The following NEGR1 variants were observed in gnomAD, a reference collection of about 807,000 sequenced individuals.
NEGR1 encodes neuronal growth regulator 1, also known as IgLON family member 4.
In NEGR1, 10 loss-of-function variants were observed where a neutral mutation model predicts 40.9. The ratio of observed to expected loss-of-function variants is 0.24; its 90% CI spans 0.15 to 0.42. NEGR1 has a LOEUF of 0.42. Ranked by LOEUF, NEGR1 falls within the 10% of genes least tolerant of loss-of-function variation. The pLI, the probability that NEGR1 is intolerant of heterozygous loss-of-function variation, is 1.00. For synonymous variants in NEGR1, 185 were observed against 166.8 expected, an observed-to-expected ratio of 1.11 and a Z score of -0.84; for missense variants, 352 against 438.9, an observed-to-expected ratio of 0.80 and a Z score of 1.77.
intron 2 of NEGR1, among the ~76,000 whole-genome samples, chr1:71,776,613 A>G (rs1656520275): frequency 6.6e-6 from 1 of 152,202 alleles, no homozygotes; most frequent in African/African-American, 2.4e-5. Flanking sequence ...TAATCAATCT[A>G]TTTTATCCAT....
At chr1:71,868,468 CAGA>C (rs1557682651) in intron 2 of NEGR1, among the ~76,000 whole-genome samples, 12 of 76,756 alleles carry the variant, frequency 1.6e-4, no homozygotes, top group African/African-American at 5.1e-4. Flanking sequence ...GATAGATAGA[CAGA>C]ATACATACAT....
chr1:71,453,322 T>C (rs933685438), intron 6 of NEGR1, among the ~76,000 whole-genome samples: 2 of 152,142 alleles, frequency 1.3e-5, no homozygotes, highest in African/African-American at 2.4e-5. Flanking sequence ...GAAATAGCTC[T>C]TTTAATTATA....
chr1:72,010,369 G>A (rs1198722858), intron 1 of NEGR1, among the ~76,000 whole-genome samples: 1 of 152,074 alleles, frequency 6.6e-6, no homozygotes, highest in East Asian at 1.9e-4. Flanking sequence ...AAAGGAAAGA[G>A]AGAACAAATG....
In NEGR1 at chr1:71,817,302, C is replaced by T. The variant is rs554796842; in HGVS notation, c.410-41005G>A. 6.6e-4 allele frequency among the ~76,000 whole-genome samples: 100 copies of T among 152,188 alleles called. 1 individual carries two copies. In the South Asian group the frequency reaches 8.9e-3, roughly 14 times the overall value. On this transcript the variant is annotated intron_variant, in intron 2 of 6. Transcript: ENST00000357731. Reference sequence around the variant, plus strand: ...AAACAGCCCACATTCAATGGTTAAGCAAGATGGTAGTACAAAGTGCCTGCC... The same window carrying T: ...AAACAGCCCACATTCAATGGTTAAGTAAGATGGTAGTACAAAGTGCCTGCC...
chr1:72,011,104 A>G (rs974371173), intron 1 of NEGR1, among the ~76,000 whole-genome samples: 2 of 152,142 alleles, frequency 1.3e-5, no homozygotes, highest in African/African-American at 4.8e-5. Flanking sequence ...TTTCTCAATT[A>G]TCTAATATAG....
intron 2 of NEGR1, among the ~76,000 whole-genome samples, chr1:71,926,571 T>A (rs2101887910): frequency 6.6e-6 from 1 of 151,120 alleles, no homozygotes. Flanking sequence ...TGCTATGAAC[T>A]CACAAAGTTC....
chr1:72,088,474 C>A (rs1648311603), intron 1 of NEGR1, among the ~76,000 whole-genome samples: 4 of 152,100 alleles, frequency 2.6e-5, no homozygotes, highest in African/African-American at 9.7e-5. Context: ...GAGCCTTATT[C>A]ACCTCAGATT....
intron 4 of NEGR1, among the ~76,000 whole-genome samples, chr1:71,692,259 CCT>C (rs772679003): frequency 2.7e-5 from 4 of 150,876 alleles, no homozygotes; most frequent in South Asian, 2.1e-4. Context: ...CTTTTTCTCC[CCT>C]GAGTTGTTCC....
chr1:71,534,762 G>A (rs372284710), intron 6 of NEGR1, among the ~76,000 whole-genome samples: 16 of 151,612 alleles, frequency 1.1e-4, no homozygotes, highest in Admixed American at 8.6e-4. Flanking sequence ...AATATTCTAG[G>A]AGCTGAAATC....
chr1:71,830,215 C>T (rs185534687), intron 2 of NEGR1, among the ~76,000 whole-genome samples: 110 of 152,006 alleles, frequency 7.2e-4, no homozygotes, highest in Middle Eastern at 3.4e-3. Flanking sequence ...TTATATCTGA[C>T]TCATTTATTT....
rs535553420 is a variant in NEGR1, at chr1:71,519,842, C to G, written c.940+72975G>C. ...CCCATTTTGATATGGTACTTCCAAA[C>G]TGAGATGTGTAGGAATACATTTTAA... On this transcript the variant is annotated intron_variant, in intron 6 of 6. Transcript: ENST00000357731. Among the ~76,000 whole-genome samples the G allele has an allele frequency of 2.6e-5, 4 of 151,410 alleles. No homozygotes were observed. In the East Asian group the frequency reaches 5.8e-4, roughly 22 times the overall value.
chr1:71,690,412 C>G (rs1653215989), intron 4 of NEGR1, among the ~76,000 whole-genome samples: 1 of 151,634 alleles, frequency 6.6e-6, no homozygotes. Context: ...TTTGTACTGA[C>G]TAAAGTAATG....
intron 1 of NEGR1, among the ~76,000 whole-genome samples, chr1:71,986,776 G>A (rs1646398594): frequency 6.6e-6 from 1 of 152,206 alleles, no homozygotes; most frequent in Non-Finnish European, 1.5e-5. Context: ...CAGATTCTCA[G>A]AGTCCATTCT....
At chr1:71,784,178 G>C (rs1459798) in intron 2 of NEGR1, among the ~76,000 whole-genome samples, 1 of 152,060 alleles carries the variant, frequency 6.6e-6, no homozygotes, top group Non-Finnish European at 1.5e-5. Context: ...TGAGTTTTTC[G>C]TGATTCTGGG....
At chr1:72,004,536 G>T (rs1164473160) in intron 1 of NEGR1, among the ~76,000 whole-genome samples, 1 of 151,936 alleles carries the variant, frequency 6.6e-6, no homozygotes, top group African/African-American at 2.4e-5. Context: ...TGCCCACCTC[G>T]GCCTCCCAAA....
intron 1 of NEGR1, among the ~76,000 whole-genome samples, chr1:72,094,178 A>C (rs114581637): frequency 0.013 from 2,046 of 152,264 alleles, 45 homozygotes; most frequent in African/African-American, 0.047. Flanking sequence ...CAACTTAAAA[A>C]ATAAGCTCAC....
chr1:71,735,902 G>A lies in NEGR1; in HGVS notation c.536-37763C>T, dbSNP rs1655027425. Among the ~76,000 whole-genome samples the A allele has an allele frequency of 3.9e-5, 6 of 152,130 alleles. No individual in the cohort carries two copies. The South Asian group carries it at 1.0e-3, about 26-fold the overall frequency. Reference sequence around the variant, plus strand: ...TACATATGAATTAAAGGGTTAGGAAGTACTGAGAAAGTCATCTACTTTGTA... The same window carrying A: ...TACATATGAATTAAAGGGTTAGGAAATACTGAGAAAGTCATCTACTTTGTA... On this transcript the variant is annotated intron_variant, in intron 3 of 6. Coordinates refer to ENST00000357731, the MANE Select transcript of NEGR1 (RefSeq NM_173808.3).
intron 6 of NEGR1, among the ~76,000 whole-genome samples, chr1:71,447,684 C>G (rs1056755111): frequency 3.3e-5 from 5 of 152,134 alleles, no homozygotes; most frequent in Non-Finnish European, 7.4e-5. Flanking sequence ...AGTGTTTGAA[C>G]GTAACTTGAA....
intron 2 of NEGR1, among the ~76,000 whole-genome samples, chr1:71,855,261 A>T (rs1323321034): frequency 1.3e-5 from 2 of 152,088 alleles, no homozygotes; most frequent in Non-Finnish European, 2.9e-5. Context: ...CAAATCCCTG[A>T]CCTGCCAAGT....
Sources: allele counts gnomAD v4.1 joint callset (sites outside exome capture counted in the v4.1 genomes callset), GRCh38; gene constraint gnomAD v4.1.1; transcripts MANE v1.5; gene names NCBI Gene and HGNC (gene_info 2026-07-23, HGNC 2026-07-21).